The following STRBP variants were observed in gnomAD, a reference collection of about 807,000 sequenced individuals.
The protein encoded by STRBP is spermatid perinuclear RNA binding protein.
Under a neutral mutation model 80.1 loss-of-function variants are expected in STRBP, and 13 were observed. The ratio of observed to expected loss-of-function variants is 0.16; its 90% CI spans 0.11 to 0.26. The LOEUF (loss-of-function observed/expected upper bound fraction) is 0.26, where lower values mean the gene tolerates loss of function less well. STRBP is among the 10% of genes least tolerant of loss of function. The pLI is 1.00. For missense variants in STRBP, 485 were observed against 815.2 expected (o/e 0.59, Z 4.93); for synonymous variants, 284 against 291.2 (o/e 0.98, Z 0.25).
chr9:123,248,316 A>G (rs112277381), intron 1 of STRBP, among the ~76,000 whole-genome samples: 2,528 of 125,414 alleles, frequency 0.02, 79 homozygotes, highest in African/African-American at 0.073. Context: ...TGCCCAGGCT[A>G]GAGCGCAATG....
chr9:123,208,008 A>G (rs1288036224), intron 2 of STRBP, among the ~76,000 whole-genome samples: 2 of 152,228 alleles, frequency 1.3e-5, no homozygotes, highest in African/African-American at 2.4e-5. Context: ...AAGCTACTTT[A>G]GCTTTGGTTT....
chr9:123,192,781 T>C (rs985204681), intron 2 of STRBP, among the ~76,000 whole-genome samples: 6 of 152,206 alleles, frequency 3.9e-5, no homozygotes, highest in African/African-American at 1.4e-4. Flanking sequence ...CTATTCCCAT[T>C]TCAGCCCATC....
intron 1 of STRBP, among the ~76,000 whole-genome samples, chr9:123,246,267 T>C (rs1007595445): frequency 2.1e-4 from 32 of 152,228 alleles, no homozygotes; most frequent in Admixed American, 2.0e-3. Flanking sequence ...AAAGGCAACA[T>C]TGACAGCATC....
intron 6 of STRBP, among the ~76,000 whole-genome samples, chr9:123,164,528 T>C (rs965632991): frequency 6.6e-6 from 1 of 152,156 alleles, no homozygotes; most frequent in African/African-American, 2.4e-5. Flanking sequence ...GGTCAGTTTC[T>C]CTCAATGCCT....
chr9:123,160,857 A>AC (rs1588018607), intron 7 of STRBP, 120 bp downstream of exon 7: 1 of 734,920 alleles, frequency 1.4e-6, no homozygotes, highest in East Asian at 2.9e-5. Context: ...CAACAACCAC[A>AC]CTATGAGCTA....
intron 2 of STRBP, among the ~76,000 whole-genome samples, chr9:123,207,606 G>A (rs1447375496): frequency 6.6e-6 from 1 of 152,106 alleles, no homozygotes; most frequent in African/African-American, 2.4e-5. Context: ...CTAGGGGAGG[G>A]ATAGCATTCG....
intron 3 of STRBP, among the ~76,000 whole-genome samples, chr9:123,183,463 G>A (rs931759400): frequency 4.6e-5 from 7 of 151,036 alleles, no homozygotes; most frequent in South Asian, 2.1e-4. Context: ...ACCTTTTCTC[G>A]CTTATACTTA....
intron 4 of STRBP, among the ~76,000 whole-genome samples, chr9:123,175,038 A>G (rs546575396): frequency 6.6e-6 from 1 of 152,346 alleles, no homozygotes; most frequent in African/African-American, 2.4e-5. Flanking sequence ...AAAGGGGAAG[A>G]GAAAGTAACA....
intron 16 of STRBP, among the ~76,000 whole-genome samples, chr9:123,135,111 C>A (rs927323853): frequency 6.6e-6 from 1 of 152,110 alleles, no homozygotes; most frequent in Non-Finnish European, 1.5e-5. Flanking sequence ...CTAGAAGGAA[C>A]CCCCACCATC....
intron 2 of STRBP, among the ~76,000 whole-genome samples, chr9:123,227,459 T>C (rs551384645): frequency 1.7e-4 from 26 of 151,678 alleles, no homozygotes; most frequent in African/African-American, 6.3e-4. Context: ...TCAGATGAAG[T>C]AGGGCCTAGT....
chr9:123,256,545 C>T (rs770793857), intron 1 of STRBP, among the ~76,000 whole-genome samples: 3 of 152,042 alleles, frequency 2.0e-5, no homozygotes, highest in Non-Finnish European at 2.9e-5. Context: ...AAAACCAAAA[C>T]GCTTGTAATA....
chr9:123,128,339 C>T, intron 17 of STRBP, 81 bp from the exon 18 acceptor site: 1 of 1,527,978 alleles, frequency 6.5e-7, no homozygotes, highest in Non-Finnish European at 9.1e-7. Flanking sequence ...ACCACCTGCT[C>T]AGCACCCTGG....
chr9:123,166,178 C>CTGA (rs1040336279), intron 6 of STRBP, among the ~76,000 whole-genome samples: 10 of 152,168 alleles, frequency 6.6e-5, no homozygotes, highest in Admixed American at 2.6e-4. Context: ...AATCAGTATA[C>CTGA]TGATTCTAAT....
rs2035802466 is a variant in STRBP at position 123,123,729 on chromosome 9, C to T, written c.*1868G>A. Reference sequence around the variant, plus strand: ...AAATTTGATGACCAATTTCAAATAACAATACAGCCGCAGCTGCCAATTAAT... The same window carrying T: ...AAATTTGATGACCAATTTCAAATAATAATACAGCCGCAGCTGCCAATTAAT... On this transcript the variant is annotated 3_prime_UTR_variant, in exon 19 of 19. Coordinates refer to ENST00000348403, the MANE Select transcript of STRBP (RefSeq NM_018387.5). 3 of 985,162 alleles carry T rather than the reference C, an allele frequency of 3.0e-6. No individual in the cohort carries two copies. In the South Asian group the frequency reaches 1.4e-4, roughly 46 times the overall value. 61.0% of individuals were successfully genotyped at this position (985,162 alleles called of 1,614,324 possible).
chr9:123,128,272 GA>G lies in STRBP; in HGVS notation c.1898-15del. The G allele has an allele frequency of 6.2e-7, 1 of 1,614,170 alleles. No individual in the cohort carries two copies. The highest frequency in any genetic ancestry group is 2.2e-5 in the East Asian group (1 of 44,888). On this transcript the variant is annotated splice_polypyrimidine_tract_variant and intron_variant, in intron 17 of 18. Coordinates refer to ENST00000348403, the MANE Select transcript of STRBP (RefSeq NM_018387.5). ...GTGTTCCATAGCCTAGTGCAAAGAA[GA>G]AGAAGGCAGATCAGTCCAAGACCCA...
chr9:123,118,255 G>A (rs987602564), downstream of STRBP, among the ~76,000 whole-genome samples: 2 of 152,064 alleles, frequency 1.3e-5, no homozygotes, highest in African/African-American at 4.8e-5. Context: ...ACAAATGTTG[G>A]CATCTCTCCT....
At chr9:123,178,844 T>A (rs1252661355) in intron 4 of STRBP, among the ~76,000 whole-genome samples, 163 bp downstream of exon 4, 1 of 152,180 alleles carries the variant, frequency 6.6e-6, no homozygotes, top group East Asian at 1.9e-4. Flanking sequence ...TCCTTTCAAA[T>A]TTAACTCAGA....
intron 14 of STRBP, among the ~76,000 whole-genome samples, chr9:123,138,643 G>T (rs1192293486): frequency 6.6e-6 from 1 of 152,074 alleles, no homozygotes; most frequent in Non-Finnish European, 1.5e-5. Context: ...TTCAAGATTT[G>T]ACATTATTAT....
intron 2 of STRBP, among the ~76,000 whole-genome samples, chr9:123,223,687 G>T (rs1204843877): frequency 1.3e-5 from 2 of 151,992 alleles, no homozygotes; most frequent in African/African-American, 4.8e-5. Context: ...ACAAAAGCAT[G>T]AGTTCATATA....
Sources: allele counts gnomAD v4.1 joint callset (sites outside exome capture counted in the v4.1 genomes callset), GRCh38; gene constraint gnomAD v4.1.1; transcripts MANE v1.5; gene names NCBI Gene and HGNC (gene_info 2026-07-23, HGNC 2026-07-21).